Variants in SLC13A1 observed in about 807,000 individuals in gnomAD.
SLC13A1 encodes solute carrier family 13 member 1.
SLC13A1 carries 65 observed loss-of-function variants against 70.0 expected under a neutral mutation model. The ratio of observed to expected loss-of-function variants is 0.93; its 90% confidence interval spans 0.76 to 1.14. The LOEUF is 1.14. Ranked by LOEUF, SLC13A1 falls within the 50% of genes most tolerant of loss-of-function variation. The pLI, the probability that SLC13A1 is intolerant of heterozygous loss-of-function variation, is 0.00. For synonymous variants in SLC13A1, 275 were observed against 250.5 expected (o/e 1.10, Z -0.92); for missense variants, 726 against 717.8 (o/e 1.01, Z -0.13).
At chr7:123,125,467 G>T in intron 11 of SLC13A1, 102 bp downstream of exon 11, 2 of 794,586 alleles carry the variant, frequency 2.5e-6, no homozygotes, top group Non-Finnish European at 4.2e-6. Flanking sequence ...GATTGTGCCA[G>T]CATAGACTTT....
chr7:123,143,785 C>A (rs73447940), intron 7 of SLC13A1, among the ~76,000 whole-genome samples: 10,532 of 152,150 alleles, frequency 0.069, 434 homozygotes, highest in Middle Eastern at 0.18. Context: ...ATCCATGGAG[C>A]CCTGTATTCC....
At chr7:123,155,328 A>G (rs1361457203) in intron 6 of SLC13A1, among the ~76,000 whole-genome samples, 1 of 151,170 alleles carries the variant, frequency 6.6e-6, no homozygotes, top group Non-Finnish European at 1.5e-5. Context: ...TTATATCTCT[A>G]TATTTTACAT....
At chr7:123,148,551 T>G (rs1039091976) in intron 6 of SLC13A1, 5 of 423,112 alleles carry the variant, frequency 1.2e-5, no homozygotes, top group African/African-American at 8.3e-5. Flanking sequence ...AAACACCCTT[T>G]GTTGGTTTGA....
At position 123,140,816 on chromosome 7, in the gene SLC13A1, G is replaced by A. The variant is rs933739469; in HGVS notation, c.813-6287C>T. On this transcript the variant is annotated intron_variant, in intron 7 of 14. Coordinates refer to ENST00000194130, the MANE Select transcript of SLC13A1 (RefSeq NM_022444.4). Reference sequence around the variant, plus strand: ...TTTAAATATTTGGATCTTTTCTCTTGCTTTCTTAGTCTGGCTAAAGATTTG... The same window carrying A: ...TTTAAATATTTGGATCTTTTCTCTTACTTTCTTAGTCTGGCTAAAGATTTG... Among the ~76,000 whole-genome samples, 3 of 151,560 alleles carry A rather than the reference G, an allele frequency of 2.0e-5. No homozygotes were observed. In the South Asian group the frequency reaches 6.2e-4, roughly 31 times the overall value.
intron 7 of SLC13A1, among the ~76,000 whole-genome samples, chr7:123,136,812 A>C (rs1156777736): frequency 6.6e-6 from 1 of 151,906 alleles, no homozygotes; most frequent in East Asian, 1.9e-4. Context: ...GCCATCAGAG[A>C]AGGTAACATT....
At chr7:123,129,967 C>T (rs2470979) in intron 8 of SLC13A1, among the ~76,000 whole-genome samples, 1 of 152,098 alleles carries the variant, frequency 6.6e-6, no homozygotes, top group Non-Finnish European at 1.5e-5. Context: ...TTTCCTTTGG[C>T]CTGCTATCTC....
chr7:123,192,654 C>T (rs1332839564), intron 1 of SLC13A1, among the ~76,000 whole-genome samples: 2 of 151,886 alleles, frequency 1.3e-5, no homozygotes, highest in Admixed American at 6.6e-5. Flanking sequence ...GAACACAAAG[C>T]AATTAAAAAA....
intron 1 of SLC13A1, chr7:123,186,693 T>A (rs1293874669): frequency 2.2e-6 from 1 of 453,600 alleles, no homozygotes; most frequent in African/African-American, 2.0e-5. Flanking sequence ...CCCCACAACC[T>A]ACCCCCAAGT....
intron 6 of SLC13A1, among the ~76,000 whole-genome samples, chr7:123,158,781 T>A (rs1794792552): frequency 6.6e-6 from 1 of 152,148 alleles, no homozygotes; most frequent in African/African-American, 2.4e-5. Flanking sequence ...AGTAGAAATA[T>A]ATAAATATAT....
At chr7:123,135,940 T>C (rs1382028147) in intron 7 of SLC13A1, among the ~76,000 whole-genome samples, 4 of 152,208 alleles carry the variant, frequency 2.6e-5, no homozygotes, top group African/African-American at 2.4e-5. Context: ...ATCACATCCA[T>C]GAGGCTCTAT....
intron 3 of SLC13A1, among the ~76,000 whole-genome samples, chr7:123,170,787 C>A (rs1300861943): frequency 6.6e-6 from 1 of 152,040 alleles, no homozygotes; most frequent in Non-Finnish European, 1.5e-5. Context: ...TGTCACCATA[C>A]CCGGCTAAAC....
At chr7:123,123,282 A>G (rs1173856721) in intron 11 of SLC13A1, 47 bp from the exon 12 acceptor site, 7 of 1,189,578 alleles carry the variant, frequency 5.9e-6, no homozygotes, top group Middle Eastern at 1.9e-4. Context: ...AAATATTACA[A>G]TATGACATTT....
chr7:123,194,451 T>C (rs1227524059), intron 1 of SLC13A1, among the ~76,000 whole-genome samples: 1 of 152,088 alleles, frequency 6.6e-6, no homozygotes, highest in Non-Finnish European at 1.5e-5. Context: ...GTCAGAAATA[T>C]CCATCAGCAA....
intron 12 of SLC13A1, among the ~76,000 whole-genome samples, chr7:123,121,046 TTC>T (rs1458494713): frequency 3.3e-5 from 5 of 152,208 alleles, no homozygotes; most frequent in African/African-American, 9.6e-5. Context: ...TTCTATTTTT[TTC>T]TCTTTTTTTC....
chr7:123,168,582 G>T (rs753972288), intron 4 of SLC13A1, 21 bp from the exon 5 acceptor site: 27 of 1,560,852 alleles, frequency 1.7e-5, no homozygotes, highest in Non-Finnish European at 2.0e-5. Context: ...TTAAATAAAA[G>T]AAAAACAATT....
At chr7:123,119,310 A>G in intron 12 of SLC13A1, 68 bp from the exon 13 acceptor site, 1 of 1,029,902 alleles carries the variant, frequency 9.7e-7, no homozygotes, top group Non-Finnish European at 1.4e-6. Flanking sequence ...AATAAAATCC[A>G]TAAAAAAACA....
At chr7:123,196,932 G>T (rs1364305008) in intron 1 of SLC13A1, among the ~76,000 whole-genome samples, 1 of 152,126 alleles carries the variant, frequency 6.6e-6, no homozygotes, top group African/African-American at 2.4e-5. Flanking sequence ...GCATGTAGAT[G>T]GCCTTTGGTG....
chr7:123,149,004 A>G (rs1001802206), intron 6 of SLC13A1, among the ~76,000 whole-genome samples: 2 of 152,082 alleles, frequency 1.3e-5, no homozygotes, highest in Non-Finnish European at 2.9e-5. Context: ...CTGGTGGGCA[A>G]TTTTATGAGA....
rs1334051220 is a variant in SLC13A1 at position 123,199,962 on chromosome 7, G to C, written c.-16C>G. The C allele has an allele frequency of 1.9e-6, 3 of 1,558,868 alleles. No homozygotes were observed. The Admixed American group carries it at 5.1e-5, about 27-fold the overall frequency. ...AGAATTTCATTGTCCTGAGCAGGTGGCTTCAATAGTGTCCTCCAAATAAAG... is the reference window on the plus strand; with the variant it reads ...AGAATTTCATTGTCCTGAGCAGGTGCCTTCAATAGTGTCCTCCAAATAAAG... On this transcript the variant is annotated 5_prime_UTR_variant, in exon 1 of 15. Transcript: ENST00000194130.
Sources: allele counts gnomAD v4.1 joint callset (sites outside exome capture counted in the v4.1 genomes callset), GRCh38; gene constraint gnomAD v4.1.1; transcripts MANE v1.5; gene names NCBI Gene and HGNC (gene_info 2026-07-23, HGNC 2026-07-21).